The following OGDH variants were observed in gnomAD, a reference collection of about 807,000 sequenced individuals.
OGDH encodes the protein 2-oxoglutarate dehydrogenase complex component E1.
Under a neutral mutation model 116.6 loss-of-function variants are expected in OGDH, and 38 were observed. The observed-to-expected ratio is 0.33, with a 90% confidence interval of 0.25 to 0.43. OGDH has a LOEUF of 0.43. Among genes scored for constraint, OGDH ranks in the 20% least tolerant of loss-of-function variants. The probability of loss-of-function intolerance (pLI) is 1.00; values close to 1 mark genes in which losing one functional copy is unlikely to be tolerated. For missense variants in OGDH, 825 were observed against 1,357.2 expected (o/e 0.61, Z 6.16); for synonymous variants, 488 against 533.3 (o/e 0.92, Z 1.17).
Position 44,624,550 on chromosome 7 carries a change from C to CA in OGDH, c.211dup (p.Ser71LysfsTer4). 1 of 1,613,532 alleles carries CA rather than the reference C, an allele frequency of 6.2e-7. No individual in the cohort carries two copies. The highest frequency in any genetic ancestry group is 1.1e-5 in the South Asian group (1 of 91,044). ...TGTACTGTGCTTGGCTGGAAAACCC[C>CA]AAAAGTGTACATAAGGTAAGGCTCG... On this transcript the variant is annotated frameshift_variant, in exon 2 of 23. Transcript: ENST00000222673. LOFTEE classifies it high-confidence loss of function.
chr7:44,642,144 G>T (rs1286926810), intron 2 of OGDH, among the ~76,000 whole-genome samples: 1 of 151,738 alleles, frequency 6.6e-6, no homozygotes, highest in African/African-American at 2.4e-5. Flanking sequence ...AGGCCCAGAT[G>T]GTGGCTCATG....
intron 4 of OGDH, among the ~76,000 whole-genome samples, chr7:44,655,302 C>T (rs917665075): frequency 5.3e-5 from 8 of 152,120 alleles, no homozygotes; most frequent in South Asian, 2.1e-4. Context: ...AGCAAAATAT[C>T]GACATTTAGA....
chr7:44,676,817 A>AG (rs1161604415), intron 9 of OGDH, among the ~76,000 whole-genome samples: 1 of 152,042 alleles, frequency 6.6e-6, no homozygotes, highest in Non-Finnish European at 1.5e-5. Flanking sequence ...ACTGAAAAGG[A>AG]GGGGAGTCTG....
intron 1 of OGDH, among the ~76,000 whole-genome samples, chr7:44,612,783 A>G (rs1784615128): frequency 6.6e-6 from 1 of 151,870 alleles, no homozygotes; most frequent in African/African-American, 2.4e-5. Context: ...TGCAGCCTCT[A>G]CTTCCAGGCT....
intron 9 of OGDH, among the ~76,000 whole-genome samples, chr7:44,681,400 A>G (rs1039156861): frequency 2.6e-5 from 4 of 152,184 alleles, no homozygotes; most frequent in Admixed American, 6.6e-5. Flanking sequence ...TCTGGGGCCA[A>G]TGGCTAAGCT....
chr7:44,689,392 CTTTTTTTTTTTTTTT>C (rs561058807), intron 10 of OGDH, among the ~76,000 whole-genome samples: 2 of 71,220 alleles, frequency 2.8e-5, no homozygotes, highest in Non-Finnish European at 5.4e-5. Flanking sequence ...ATTTTTTTTT[CTTTTTTTTTTTTTTT>C]TTTTTTTTTT....
intron 2 of OGDH, among the ~76,000 whole-genome samples, chr7:44,625,291 G>A (rs927202997): frequency 1.1e-4 from 16 of 151,876 alleles, no homozygotes; most frequent in Non-Finnish European, 1.2e-4. Context: ...CGCCTGACTA[G>A]TTTTTGTATT....
intron 4 of OGDH, among the ~76,000 whole-genome samples, chr7:44,653,889 C>G (rs146787512): frequency 6.6e-6 from 1 of 151,714 alleles, no homozygotes; most frequent in South Asian, 2.1e-4. Context: ...GAGTCTCGCT[C>G]TGTTGCCCAG....
chr7:44,680,764 A>G lies in OGDH; in HGVS notation c.1207-956A>G, dbSNP rs148303171. Among the ~76,000 whole-genome samples the G allele has an allele frequency of 2.7e-4, 41 of 152,318 alleles. No individual in the cohort carries two copies. In the East Asian group the frequency reaches 7.5e-3, roughly 28 times the overall value. On this transcript the variant is annotated intron_variant, in intron 9 of 22. Coordinates refer to ENST00000222673, the MANE Select transcript of OGDH (RefSeq NM_002541.4). Reference sequence around the variant, plus strand: ...ATATTGTCCAGGGCTGGACAGGGACAGTACAACATGGAAGCTACAATGTTC... The same window carrying G: ...ATATTGTCCAGGGCTGGACAGGGACGGTACAACATGGAAGCTACAATGTTC...
At chr7:44,647,816 C>A in intron 4 of OGDH, 57 bp downstream of exon 4, 1 of 1,317,204 alleles carries the variant, frequency 7.6e-7, no homozygotes, top group Non-Finnish European at 1.1e-6. Flanking sequence ...TGTGCCACGA[C>A]CTGTGGTAGC....
rs1037926957 is a variant in OGDH, at chr7:44,611,921, G to GT, written c.-28+5277dup. ...AAATAGATATTCTAAAAGTTTTAAT[G>GT]TTTTTTTTTATTATTATGCTTTAAG... On this transcript the variant is annotated intron_variant, in intron 1 of 22. Transcript: ENST00000222673. Among the ~76,000 whole-genome samples the GT allele has an allele frequency of 8.0e-5, 12 of 150,660 alleles. No individual in the cohort carries two copies. In the South Asian group the frequency reaches 1.3e-3, roughly 16 times the overall value.
chr7:44,621,390 G>T (rs755095872), intron 1 of OGDH, among the ~76,000 whole-genome samples: 1 of 152,106 alleles, frequency 6.6e-6, no homozygotes, highest in Non-Finnish European at 1.5e-5. Flanking sequence ...ATCTTCTTAT[G>T]CCGTTTTATG....
At chr7:44,645,592 G>A in intron 3 of OGDH, 74 bp downstream of exon 3, 1 of 1,398,382 alleles carries the variant, frequency 7.2e-7, no homozygotes, top group Admixed American at 2.2e-5. Flanking sequence ...GGCCCTATTG[G>A]CCTTTCTGAG....
chr7:44,635,498 G>A (rs995943972), intron 2 of OGDH, among the ~76,000 whole-genome samples: 5 of 152,084 alleles, frequency 3.3e-5, no homozygotes, highest in Admixed American at 6.6e-5. Flanking sequence ...GGGTAGCTAC[G>A]TGGGTGGGCT....
intron 2 of OGDH, among the ~76,000 whole-genome samples, chr7:44,642,424 A>C (rs1490878632): frequency 1.3e-5 from 2 of 152,022 alleles, no homozygotes; most frequent in African/African-American, 4.8e-5. Flanking sequence ...ACCCTGTCTC[A>C]AAAAATAAAA....
At position 44,697,929 on chromosome 7, in the gene OGDH, G is replaced by A. The variant is rs1404499760; in HGVS notation, c.2358+147G>A. 1 of 1,073,820 alleles carries A rather than the reference G, an allele frequency of 9.3e-7. No homozygotes were observed. The highest frequency in any genetic ancestry group is 1.6e-5 in the African/African-American group (1 of 62,830). 66.5% of individuals were successfully genotyped at this position (1,073,820 alleles called of 1,614,324 possible). On this transcript the variant is annotated intron_variant, in intron 17 of 22. Coordinates refer to ENST00000222673, the MANE Select transcript of OGDH (RefSeq NM_002541.4). The surrounding 1 kb of genome is among the most constrained non-coding windows in gnomAD (Gnocchi z 6.0). ...GCTTCCCATCCATCTCAGATGGGAT[G>A]TCACTTCAGAAAGCCAGAGTAGCCC...
chr7:44,706,951 C>G (rs375178847), intron 20 of OGDH, among the ~76,000 whole-genome samples: 1 of 152,166 alleles, frequency 6.6e-6, no homozygotes, highest in Non-Finnish European at 1.5e-5. Flanking sequence ...CTCTTGTCCC[C>G]GAAGTCTGAG....
chr7:44,701,948 G>A (rs1788849422), intron 20 of OGDH, among the ~76,000 whole-genome samples: 1 of 152,030 alleles, frequency 6.6e-6, no homozygotes, highest in African/African-American at 2.4e-5. Flanking sequence ...CCACATGTCT[G>A]TAATCCCAGC....
chr7:44,626,840 A>G (rs1397256379), intron 2 of OGDH, among the ~76,000 whole-genome samples: 1 of 152,144 alleles, frequency 6.6e-6, no homozygotes, highest in Non-Finnish European at 1.5e-5. Flanking sequence ...GGGAGGGGAC[A>G]GGATGGTTAA....
Sources: gnomAD v4.1 joint callset for allele counts (sites outside exome capture counted in the v4.1 genomes callset) on GRCh38, gnomAD v4.1.1 for gene constraint, Gnocchi (gnomAD v3.1) non-coding constraint, MANE v1.5 for transcripts, NCBI Gene and HGNC (gene_info 2026-07-23, HGNC 2026-07-21) for gene names.